TMEM168: variants seen among roughly 807,000 people sequenced by gnomAD.
TMEM168 encodes transmembrane protein 168.
Under a neutral mutation model 53.2 loss-of-function variants are expected in TMEM168, and 40 were observed. The ratio of observed to expected loss-of-function variants is 0.75; its 90% confidence interval spans 0.58 to 0.98. TMEM168 has a LOEUF of 0.98. Ranked by LOEUF, TMEM168 falls within the 50% of genes least tolerant of loss-of-function variation. The pLI is 0.00. For synonymous variants in TMEM168, 282 were observed against 293.0 expected (o/e 0.96, Z 0.38); for missense variants, 771 against 828.8 (o/e 0.93, Z 0.86).
At chr7:112,774,537 C>T (rs1217033357) in intron 3 of TMEM168, among the ~76,000 whole-genome samples, 1 of 151,584 alleles carries the variant, frequency 6.6e-6, no homozygotes, top group Admixed American at 6.6e-5. Flanking sequence ...GCACGTTTTA[C>T]TATATTTCAC....
At chr7:112,778,925 G>A (rs145474984) in intron 2 of TMEM168, among the ~76,000 whole-genome samples, 56 of 152,228 alleles carry the variant, frequency 3.7e-4, no homozygotes, top group Non-Finnish European at 6.2e-4. Flanking sequence ...GTCTCACTCC[G>A]TCGTCCAGGC....
At chr7:112,785,562 T>C (rs1793356532) in intron 1 of TMEM168, among the ~76,000 whole-genome samples, 1 of 152,236 alleles carries the variant, frequency 6.6e-6, no homozygotes, top group African/African-American at 2.4e-5. Flanking sequence ...TTATCTCTAT[T>C]AAATTACTTT....
rs150800052 is a variant in TMEM168, at chr7:112,767,447, A to T, written c.1844T>A (p.Val615Glu). ...WTEKGRTVKAVYGVSKRWSDY... is the reference protein window; with the variant it reads ...WTEKGRTVKAEYGVSKRWSDY... ...ACTCCACCGTTTTGACACACCATATACTGCTTTCACTGTGCGTCCCTTTTC... is the reference window on the plus strand; with the variant it reads ...ACTCCACCGTTTTGACACACCATATTCTGCTTTCACTGTGCGTCCCTTTTC... Residue 615 changes from valine (V) to glutamate (E), a missense_variant, in exon 5 of 5, where the codon GTA becomes GAA. Transcript: ENST00000312814. The T allele has an allele frequency of 1.1e-4, 171 of 1,614,076 alleles. No homozygotes were observed. In the African/African-American group the frequency reaches 2.0e-3, roughly 19 times the overall value.
At chr7:112,788,770 C>G (rs973145170) in intron 1 of TMEM168, among the ~76,000 whole-genome samples, 3 of 152,180 alleles carry the variant, frequency 2.0e-5, no homozygotes, top group African/African-American at 7.2e-5. Context: ...TAATCCTCAC[C>G]AAGTCCTGTC....
At chr7:112,782,734 T>A (rs1298373247) in intron 2 of TMEM168, among the ~76,000 whole-genome samples, 1 of 152,082 alleles carries the variant, frequency 6.6e-6, no homozygotes, top group Non-Finnish European at 1.5e-5. Flanking sequence ...AGCAACAAAC[T>A]GTTACAAAGC....
intron 1 of TMEM168, among the ~76,000 whole-genome samples, chr7:112,787,962 C>A (rs1483316099): frequency 2.6e-5 from 4 of 151,812 alleles, no homozygotes; most frequent in Admixed American, 6.6e-5. Flanking sequence ...GAACTCCCGA[C>A]CTCAGGTGAT....
At position 112,777,187 on chromosome 7, in the gene TMEM168, A is replaced by C. The variant is rs544911303; in HGVS notation, c.1129-1869T>G. Reference sequence around the variant, plus strand: ...TATAGTCACTTTATGCCTTGTTAAAAAAAATCCCTCTATCCAACCATTAAG... The same window carrying C: ...TATAGTCACTTTATGCCTTGTTAAACAAAATCCCTCTATCCAACCATTAAG... On this transcript the variant is annotated intron_variant, in intron 2 of 4. Coordinates refer to ENST00000312814, the MANE Select transcript of TMEM168 (RefSeq NM_022484.6). Among the ~76,000 whole-genome samples the C allele has an allele frequency of 7.2e-5, 11 of 152,270 alleles. No individual in the cohort carries two copies. In the South Asian group the frequency reaches 2.3e-3, roughly 32 times the overall value.
chr7:112,768,632 G>T (rs955436727), intron 4 of TMEM168, among the ~76,000 whole-genome samples: 9 of 152,058 alleles, frequency 5.9e-5, no homozygotes, highest in African/African-American at 2.2e-4. Flanking sequence ...TGATTTTTAA[G>T]TATACTACAT....
At chr7:112,779,899 T>C (rs1796515) in intron 2 of TMEM168, among the ~76,000 whole-genome samples, 4,804 of 152,226 alleles carry the variant, frequency 0.032, 243 homozygotes, top group African/African-American at 0.11. Context: ...CAAACCAGAT[T>C]TGGAAAACAT....
intron 2 of TMEM168, among the ~76,000 whole-genome samples, chr7:112,776,701 A>G (rs1793094187): frequency 1.3e-5 from 2 of 151,966 alleles, no homozygotes; most frequent in African/African-American, 2.4e-5. Flanking sequence ...AGCTACTCTG[A>G]AATATTCCCA....
chr7:112,784,946 A>C lies in TMEM168; in HGVS notation c.-121T>G, dbSNP rs1793340590. 6.1e-6 allele frequency: 5 copies of C among 818,506 alleles called. No individual in the cohort carries two copies. The highest frequency in any genetic ancestry group is 5.2e-6 in the Non-Finnish European group (3 of 578,180). 50.7% of individuals were successfully genotyped at this position (818,506 alleles called of 1,614,324 possible). A position where few individuals can be genotyped will look rare whatever the true frequency, so the allele number is the denominator to read the frequency against. ...ATTTTCTCTTGTGGAAATTTTGTTT[A>C]TAGTGATCTAAAAAGAAGAAAACAA... On this transcript the variant is annotated 5_prime_UTR_variant, in exon 2 of 5. Transcript: ENST00000312814.
chr7:112,762,449 T>A lies in TMEM168; in HGVS notation c.*4748A>T, dbSNP rs1365711506. On this transcript the variant is annotated 3_prime_UTR_variant, in exon 5 of 5. Transcript: ENST00000312814. ...TGAACTTAGAAAAGTTTACTTGGCA[T>A]TGAGTGAACACTGCTTGTCTAGGAA... 6.6e-6 allele frequency: 1 copy of A among 152,070 alleles called. No homozygotes were observed. The highest frequency in any genetic ancestry group is 2.1e-4 in the South Asian group (1 of 4,832). 9.4% of individuals were successfully genotyped at this position (152,070 alleles called of 1,614,324 possible).
Position 112,765,173 on chromosome 7 carries a change from T to A in TMEM168, c.*2024A>T, listed in dbSNP as rs570092052. 9 of 152,272 alleles carry A rather than the reference T, an allele frequency of 5.9e-5. No homozygotes were observed. In the East Asian group the frequency reaches 1.5e-3, roughly 26 times the overall value. The allele number at this position is 152,272 out of a possible 1,614,324, so 9.4% of individuals were successfully genotyped here. A position where few individuals can be genotyped will look rare whatever the true frequency, so the allele number is the denominator to read the frequency against. ...TACCATCCCAAAAAGTCATTTATTG[T>A]TTTTTGTTTGTTTGGGTAGGAGAAT... is the stretch of plus-strand genomic sequence containing the variant. On this transcript the variant is annotated 3_prime_UTR_variant, in exon 5 of 5. Coordinates refer to ENST00000312814, the MANE Select transcript of TMEM168 (RefSeq NM_022484.6).
At chr7:112,780,943 CA>C (rs1222902089) in intron 2 of TMEM168, among the ~76,000 whole-genome samples, 4,246 of 59,930 alleles carry the variant, frequency 0.071, 64 homozygotes, top group South Asian at 0.13. Flanking sequence ...TGATCCGTAT[CA>C]AAAAAAAAAA....
intron 2 of TMEM168, among the ~76,000 whole-genome samples, chr7:112,776,515 TAAAA>T (rs977103579): frequency 6.6e-6 from 1 of 151,968 alleles, no homozygotes; most frequent in Non-Finnish European, 1.5e-5. Flanking sequence ...CAAAATTTAA[TAAAA>T]AAATTAATTC....
chr7:112,782,514 C>T (rs1238158981), intron 2 of TMEM168, among the ~76,000 whole-genome samples: 1 of 152,064 alleles, frequency 6.6e-6, no homozygotes, highest in East Asian at 1.9e-4. Flanking sequence ...GAGTTTTTGA[C>T]ATCAACAACA....
In TMEM168 at chr7:112,764,228, A is replaced by G. The variant is rs1013687319; in HGVS notation, c.*2969T>C. ...AAAAAAAGATGATGTTTTTAGAGCT[A>G]GTGGTTTTGTGGTTTTAGCAAGGTA... is the stretch of plus-strand genomic sequence containing the variant. On this transcript the variant is annotated 3_prime_UTR_variant, in exon 5 of 5. Coordinates refer to ENST00000312814, the MANE Select transcript of TMEM168 (RefSeq NM_022484.6). 2.6e-5 allele frequency: 4 copies of G among 151,912 alleles called. No homozygotes were observed. Among genetic ancestry groups the G allele is most frequent in the Non-Finnish European group, 4.4e-5 (3 of 67,956 alleles). 9.4% of individuals were successfully genotyped at this position (151,912 alleles called of 1,614,324 possible). A position where few individuals can be genotyped will look rare whatever the true frequency, so the allele number is the denominator to read the frequency against.
At chr7:112,773,617 C>G (rs1227925318) in intron 3 of TMEM168, among the ~76,000 whole-genome samples, 2 of 151,640 alleles carry the variant, frequency 1.3e-5, no homozygotes, top group African/African-American at 4.8e-5. Flanking sequence ...TGCTTTATAC[C>G]ACTGGACACT....
chr7:112,770,509 A>G (rs1166937772), intron 4 of TMEM168, among the ~76,000 whole-genome samples: 2 of 152,170 alleles, frequency 1.3e-5, no homozygotes, highest in Non-Finnish European at 2.9e-5. Context: ...ACTGCTAAAC[A>G]TTTACCTAAA....
Sources: allele counts gnomAD v4.1 joint callset (sites outside exome capture counted in the v4.1 genomes callset), GRCh38; gene constraint gnomAD v4.1.1; transcripts MANE v1.5; gene names NCBI Gene and HGNC (gene_info 2026-07-23, HGNC 2026-07-21).